Variants in SGCD observed in about 807,000 individuals in gnomAD.
SGCD encodes the protein sarcoglycan delta.
In SGCD, 18 loss-of-function variants were observed where a neutral mutation model predicts 36.6. The ratio of observed to expected loss-of-function variants is 0.49; its 90% CI spans 0.34 to 0.73. The LOEUF (loss-of-function observed/expected upper bound fraction) is 0.73, where lower values mean the gene tolerates loss of function less well. SGCD is among the 30% of genes least tolerant of loss of function. The pLI is 0.01. For missense variants in SGCD, 387 were observed against 346.7 expected, an observed-to-expected ratio of 1.12 and a Z score of -0.92; for synonymous variants, 133 against 130.6, an observed-to-expected ratio of 1.02 and a Z score of -0.12.
the SGCD span, among the ~76,000 whole-genome samples, chr5:155,803,062 GA>G: frequency 1.3e-5 from 2 of 152,130 alleles, no homozygotes; most frequent in African/African-American, 4.8e-5. Flanking sequence ...CAAGCAATGG[GA>G]AAAAATCCAG....
At chr5:156,171,839 A>G (rs905043132) in intron 3 of SGCD, among the ~76,000 whole-genome samples, 1 of 152,206 alleles carries the variant, frequency 6.6e-6, no homozygotes, top group African/African-American at 2.4e-5. Context: ...CAGTTCAATG[A>G]GAAGCAACTG....
intron 3 of SGCD, among the ~76,000 whole-genome samples, chr5:156,205,664 A>G (rs938290002): frequency 6.6e-6 from 1 of 152,064 alleles, no homozygotes; most frequent in Non-Finnish European, 1.5e-5. Flanking sequence ...GGATATATAT[A>G]CTTTTCCATA....
intron 3 of SGCD, among the ~76,000 whole-genome samples, chr5:156,158,993 A>G (rs1389129699): frequency 1.3e-5 from 2 of 151,568 alleles, no homozygotes; most frequent in African/African-American, 4.9e-5. Flanking sequence ...CAGAAGACTT[A>G]TCATCATTGT....
chr5:156,559,414 C>G (rs1759182664), intron 4 of SGCD, among the ~76,000 whole-genome samples: 1 of 152,114 alleles, frequency 6.6e-6, no homozygotes, highest in African/African-American at 2.4e-5. Context: ...CGAAGTAGAA[C>G]TTGGGTTTAG....
chr5:155,828,642 A>G, the SGCD span, among the ~76,000 whole-genome samples: 1 of 151,804 alleles, frequency 6.6e-6, no homozygotes, highest in Non-Finnish European at 1.5e-5. Context: ...AGAAAATTAT[A>G]TTACTGGTCT....
chr5:156,686,516 G>T (rs962654932), intron 7 of SGCD, among the ~76,000 whole-genome samples: 10 of 152,148 alleles, frequency 6.6e-5, no homozygotes, highest in African/African-American at 2.4e-4. Flanking sequence ...GTCTCTCTAG[G>T]CAGGCTAGTA....
At chr5:156,191,019 C>G (rs1385447779) in intron 3 of SGCD, among the ~76,000 whole-genome samples, 1 of 151,906 alleles carries the variant, frequency 6.6e-6, no homozygotes, top group Non-Finnish European at 1.5e-5. Flanking sequence ...GCAAACATGT[C>G]AAAAGGGGAA....
intron 1 of SGCD, among the ~76,000 whole-genome samples, chr5:156,039,884 A>G (rs1372904376): frequency 6.6e-6 from 1 of 152,206 alleles, no homozygotes; most frequent in African/African-American, 2.4e-5. Flanking sequence ...AAACTGCTCT[A>G]GAAATGAAAG....
chr5:156,561,457 C>T (rs1298106740), intron 4 of SGCD, among the ~76,000 whole-genome samples: 3 of 152,218 alleles, frequency 2.0e-5, no homozygotes, highest in African/African-American at 7.2e-5. Context: ...GAAATGTATG[C>T]AACTTTGTGT....
At chr5:156,232,293 C>T (rs1323597043) in intron 3 of SGCD, among the ~76,000 whole-genome samples, 2 of 152,190 alleles carry the variant, frequency 1.3e-5, no homozygotes, top group Non-Finnish European at 2.9e-5. Flanking sequence ...TTAAGAATCC[C>T]TACTTGATTA....
intron 1 of SGCD, among the ~76,000 whole-genome samples, chr5:156,062,368 T>C (rs1760237848): frequency 2.3e-5 from 1 of 42,586 alleles, no homozygotes; most frequent in Non-Finnish European, 3.7e-5. Context: ...GTCTTTGCTA[T>C]TGTGAATAGT....
intron 3 of SGCD, among the ~76,000 whole-genome samples, chr5:156,279,611 C>G (rs1248010601): frequency 6.6e-6 from 1 of 152,122 alleles, no homozygotes; most frequent in African/African-American, 2.4e-5. Context: ...GAATGTGTTC[C>G]TCTTTTTTGG....
At chr5:156,276,236 G>A (rs1014875249) in intron 3 of SGCD, among the ~76,000 whole-genome samples, 2 of 152,114 alleles carry the variant, frequency 1.3e-5, no homozygotes, top group Non-Finnish European at 2.9e-5. Flanking sequence ...TAGCTGCTGG[G>A]TTTCTCTACT....
In SGCD at chr5:156,344,477, C is replaced by T. The variant is rs727504580; in HGVS notation, c.4-12C>T. On this transcript the variant is annotated splice_polypyrimidine_tract_variant and intron_variant, in intron 2 of 8. Coordinates refer to ENST00000337851, the MANE Select transcript of SGCD (RefSeq NM_000337.6). ...TAATGTGAGTGCTTCTCTCTTGCCT[C>T]GTTTATTTCAGATGCCTCAGGAGCA... 1.1e-5 allele frequency: 17 copies of T among 1,541,148 alleles called. No individual in the cohort carries two copies. Among genetic ancestry groups the T allele is most frequent in the African/African-American group, 4.3e-5 (3 of 70,172 alleles).
At chr5:155,936,482 C>T (rs1005672426) in intron 1 of SGCD, among the ~76,000 whole-genome samples, 1 of 152,144 alleles carries the variant, frequency 6.6e-6, no homozygotes, top group Non-Finnish European at 1.5e-5. Flanking sequence ...TTTTAGCTCT[C>T]AGCAGAGAGG....
At chr5:156,565,145 C>A (rs1484399863) in intron 4 of SGCD, among the ~76,000 whole-genome samples, 2 of 152,158 alleles carry the variant, frequency 1.3e-5, no homozygotes, top group Non-Finnish European at 2.9e-5. Context: ...TGGAGCATTT[C>A]TCCCTGTACA....
chr5:156,028,683 T>C (rs1239416261), intron 1 of SGCD, among the ~76,000 whole-genome samples: 1 of 152,178 alleles, frequency 6.6e-6, no homozygotes, highest in Non-Finnish European at 1.5e-5. Flanking sequence ...AAGGCAGTGA[T>C]CCTAGATGAG....
At chr5:155,968,345 G>A (rs192792037) in intron 1 of SGCD, among the ~76,000 whole-genome samples, 166 of 152,134 alleles carry the variant, frequency 1.1e-3, no homozygotes, top group African/African-American at 3.7e-3. Context: ...TATCGTTTTA[G>A]TCATTTTTAT....
At chr5:156,423,775 A>G (rs958467786) in intron 3 of SGCD, among the ~76,000 whole-genome samples, 4 of 151,942 alleles carry the variant, frequency 2.6e-5, no homozygotes, top group African/African-American at 9.7e-5. Flanking sequence ...TCTTGACTCT[A>G]AAGTCTACTA....
Sources: allele counts gnomAD v4.1 joint callset (sites outside exome capture counted in the v4.1 genomes callset), GRCh38; gene constraint gnomAD v4.1.1; transcripts MANE v1.5; gene names NCBI Gene and HGNC (gene_info 2026-07-23, HGNC 2026-07-21).